The following PHACTR4 variants were observed in gnomAD, a reference collection of about 807,000 sequenced individuals.
PHACTR4 encodes the protein phosphatase and actin regulator 4.
PHACTR4 carries 51 observed loss-of-function variants against 72.7 expected under a neutral mutation model. The observed-to-expected ratio is 0.70, with a 90% CI of 0.56 to 0.89. PHACTR4 has a LOEUF of 0.89. Among genes scored for constraint, PHACTR4 ranks in the 40% least tolerant of loss-of-function variants. The pLI, the probability that PHACTR4 is intolerant of heterozygous loss-of-function variation, is 0.00. For missense variants in PHACTR4, 731 were observed against 861.8 expected (o/e 0.85, Z 1.90); for synonymous variants, 255 against 302.5 (o/e 0.84, Z 1.63).
chr1:28,470,466 G>T (rs919995458), intron 6 of PHACTR4, among the ~76,000 whole-genome samples: 7 of 151,228 alleles, frequency 4.6e-5, no homozygotes, highest in African/African-American at 1.2e-4. Flanking sequence ...GAGGCAGGTA[G>T]ATTACCTGAG....
At chr1:28,482,283 G>T (rs898428116) in intron 9 of PHACTR4, among the ~76,000 whole-genome samples, 1 of 152,122 alleles carries the variant, frequency 6.6e-6, no homozygotes, top group African/African-American at 2.4e-5. Flanking sequence ...GAACAGAAAG[G>T]CTCCTCTGTC....
At chr1:28,476,772 C>CTTTTTTTTTT (rs35369238) in intron 8 of PHACTR4, among the ~76,000 whole-genome samples, 7 of 98,428 alleles carry the variant, frequency 7.1e-5, no homozygotes, top group African/African-American at 1.5e-4. Context: ...CTAGCCTGTT[C>CTTTTTTTTTT]TTTTTTTTTT....
At chr1:28,383,707 C>T (rs951925726) in intron 1 of PHACTR4, among the ~76,000 whole-genome samples, 8 of 152,028 alleles carry the variant, frequency 5.3e-5, no homozygotes, top group South Asian at 2.1e-4. Flanking sequence ...ATTTTGTATC[C>T]TGAAATTTTG....
At chr1:28,396,480 G>A (rs993820195) in intron 1 of PHACTR4, among the ~76,000 whole-genome samples, 16 of 151,440 alleles carry the variant, frequency 1.1e-4, no homozygotes, top group African/African-American at 3.9e-4. Context: ...GCAGTGAGCT[G>A]AGATCGCACC....
chr1:28,413,155 C>T (rs1654892335), intron 2 of PHACTR4, among the ~76,000 whole-genome samples: 1 of 152,026 alleles, frequency 6.6e-6, no homozygotes, highest in Non-Finnish European at 1.5e-5. Flanking sequence ...TTTTGTGGAG[C>T]GAAATGAGTC....
At position 28,476,605 on chromosome 1, in the gene PHACTR4, A is replaced by G. The variant is rs79639658; in HGVS notation, c.1606+314A>G. 4.9e-3 allele frequency among the ~76,000 whole-genome samples: 738 copies of G among 149,908 alleles called. 5 individuals carry two copies. Among genetic ancestry groups the G allele is most frequent in the African/African-American group, 0.017 (686 of 40,600 alleles). On this transcript the variant is annotated intron_variant, in intron 8 of 13. Transcript: ENST00000373839. ...CACCCAGCTGGAGTACAGTGGTGCA[A>G]TCGTCGCTCACTGTAGCCTCCAACT...
At chr1:28,489,281 TTAATA>T in intron 10 of PHACTR4, 56 bp downstream of exon 10, 1 of 1,439,558 alleles carries the variant, frequency 6.9e-7, no homozygotes, top group Middle Eastern at 1.8e-4. Flanking sequence ...GTTTCTGACT[TTAATA>T]TACATAAAAG....
At chr1:28,474,674 C>T (rs1291622407) in intron 7 of PHACTR4, among the ~76,000 whole-genome samples, 1 of 151,840 alleles carries the variant, frequency 6.6e-6, no homozygotes, top group African/African-American at 2.4e-5. Flanking sequence ...TCCCGAGTAG[C>T]TGAGACTACA....
At chr1:28,433,210 A>G (rs1285896745) in intron 2 of PHACTR4, among the ~76,000 whole-genome samples, 1 of 152,190 alleles carries the variant, frequency 6.6e-6, no homozygotes, top group African/African-American at 2.4e-5. Context: ...ACAAAGTTAA[A>G]GTGATTCTTC....
chr1:28,484,539 TATATATATGTGTGTATGTA>T (rs1375668075), intron 9 of PHACTR4, among the ~76,000 whole-genome samples: 97 of 151,632 alleles, frequency 6.4e-4, no homozygotes, highest in South Asian at 2.1e-3. Context: ...TGTGTATGTG[TATATATATGTGTGTATGTA>T]ATATATATGT....
chr1:28,492,960 A>C, intron 12 of PHACTR4, 55 bp from the exon 13 acceptor site: 1 of 1,459,470 alleles, frequency 6.9e-7, no homozygotes, highest in Non-Finnish European at 9.6e-7. Flanking sequence ...GACAAGTTAC[A>C]CTGCTGTGCA....
At chr1:28,455,474 G>A (rs1658323754) in intron 2 of PHACTR4, among the ~76,000 whole-genome samples, 2 of 152,106 alleles carry the variant, frequency 1.3e-5, no homozygotes, top group African/African-American at 4.8e-5. Context: ...TGGGATTACA[G>A]GCATGAGTCA....
chr1:28,446,547 G>A (rs1275167787), intron 2 of PHACTR4, among the ~76,000 whole-genome samples: 9 of 152,270 alleles, frequency 5.9e-5, no homozygotes, highest in East Asian at 1.9e-4. Context: ...TTGGGAGGCC[G>A]AGGCAGGTGG....
intron 2 of PHACTR4, among the ~76,000 whole-genome samples, chr1:28,410,224 C>T (rs1345932040): frequency 4.2e-5 from 4 of 95,440 alleles, no homozygotes; most frequent in Non-Finnish European, 8.0e-5. Context: ...CCTTGGCCTC[C>T]CAAAGTGCTG....
rs1451165723 is a variant in PHACTR4, at chr1:28,426,678, A to ACG, written c.16+19216_16+19217dup. On this transcript the variant is annotated intron_variant, in intron 2 of 13. Transcript: ENST00000373839. ...GACTCCGTCTCAAAAAAAAAAAGAA[A>ACG]CGTGGAATTGGTTCTTTGAGATACT... Among the ~76,000 whole-genome samples, 11 of 151,588 alleles carry ACG rather than the reference A, an allele frequency of 7.3e-5. No homozygotes were observed. The East Asian group carries it at 1.9e-3, about 27-fold the overall frequency.
chr1:28,390,961 G>T (rs189022779), intron 1 of PHACTR4, among the ~76,000 whole-genome samples: 2 of 151,448 alleles, frequency 1.3e-5, no homozygotes, highest in East Asian at 3.9e-4. Flanking sequence ...TGGGTGTGTT[G>T]GTGTGCACCT....
chr1:28,415,059 G>A (rs984003608), intron 2 of PHACTR4, among the ~76,000 whole-genome samples: 2 of 151,952 alleles, frequency 1.3e-5, no homozygotes, highest in South Asian at 2.1e-4. Context: ...TCAGGAATTC[G>A]AGACCAGCCT....
intron 2 of PHACTR4, among the ~76,000 whole-genome samples, chr1:28,433,496 C>T (rs1244711186): frequency 2.9e-5 from 4 of 137,364 alleles, no homozygotes; most frequent in African/African-American, 1.1e-4. Context: ...CTCGCCCTGT[C>T]ACCCAGGCTG....
In PHACTR4 at chr1:28,476,205, G is replaced by C; in HGVS notation, c.1520G>C (p.Arg507Pro). 1 of 1,613,772 alleles carries C rather than the reference G, an allele frequency of 6.2e-7. No homozygotes were observed. Among genetic ancestry groups the C allele is most frequent in the South Asian group, 1.1e-5 (1 of 91,030 alleles). ...SVIPKLPQCL[R>P]EEEEKESDSD... ...ATTCCTAAATTACCACAGTGTCTAC[G>C]GGAGGAAGAAGAGAAGGAGAGCGAC... Residue 507 changes from arginine to proline, a missense_variant, in exon 8 of 14, where the codon CGG (arginine) becomes CCG (proline). This residue lies in a region of PHACTR4 where 621 missense variants were observed against 676.6 expected (regional missense o/e 0.92). Coordinates refer to ENST00000373839, the MANE Select transcript of PHACTR4 (RefSeq NM_001048183.3).
Sources: allele counts gnomAD v4.1 joint callset (sites outside exome capture counted in the v4.1 genomes callset), GRCh38; gene constraint gnomAD v4.1.1; regional missense constraint gnomAD v4.1.1; transcripts MANE v1.5; gene names NCBI Gene and HGNC (gene_info 2026-07-23, HGNC 2026-07-21).